The following RIC8B variants were observed in gnomAD, a reference collection of about 807,000 sequenced individuals.
RIC8B encodes RIC8 guanine nucleotide exchange factor B.
Under a neutral mutation model 57.5 loss-of-function variants are expected in RIC8B, and 16 were observed. That is an observed-to-expected ratio of 0.28 (90% CI 0.19 to 0.42). The LOEUF is 0.42. Among genes scored for constraint, RIC8B ranks in the 10% least tolerant of loss-of-function variants. The pLI, the probability that RIC8B is intolerant of heterozygous loss-of-function variation, is 1.00. For missense variants in RIC8B, 481 were observed against 677.0 expected, an observed-to-expected ratio of 0.71 and a Z score of 3.21; for synonymous variants, 216 against 250.8, an observed-to-expected ratio of 0.86 and a Z score of 1.31.
chr12:106,786,784 TGAG>T (rs2044049374), intron 2 of RIC8B, among the ~76,000 whole-genome samples: 1 of 151,748 alleles, frequency 6.6e-6, no homozygotes, highest in Non-Finnish European at 1.5e-5. Context: ...TATGTGCTAA[TGAG>T]AGAGTGAAAA....
chr12:106,878,696 G>C (rs777048959), intron 9 of RIC8B, among the ~76,000 whole-genome samples: 1 of 151,902 alleles, frequency 6.6e-6, no homozygotes, highest in Non-Finnish European at 1.5e-5. Context: ...ATCCTGTCTT[G>C]GGTTTTGTTA....
At chr12:106,847,359 C>G (rs553262433) in intron 6 of RIC8B, among the ~76,000 whole-genome samples, 3 of 152,060 alleles carry the variant, frequency 2.0e-5, no homozygotes, top group Non-Finnish European at 4.4e-5. Context: ...ACATGATAAC[C>G]TTTGTTCATA....
At chr12:106,877,889 C>T (rs1466108359) in intron 9 of RIC8B, among the ~76,000 whole-genome samples, 3 of 152,080 alleles carry the variant, frequency 2.0e-5, no homozygotes, top group Non-Finnish European at 4.4e-5. Flanking sequence ...ATTCTTCTTC[C>T]AGTGTGGCCC....
chr12:106,816,108 C>G (rs1462350398), intron 3 of RIC8B, among the ~76,000 whole-genome samples: 2 of 152,124 alleles, frequency 1.3e-5, no homozygotes, highest in Non-Finnish European at 2.9e-5. Flanking sequence ...AGAAGCATAA[C>G]ATGTCACATT....
chr12:106,831,279 CAAAAA>C (rs1174818980), intron 4 of RIC8B, among the ~76,000 whole-genome samples: 2 of 152,100 alleles, frequency 1.3e-5, no homozygotes, highest in Non-Finnish European at 2.9e-5. Context: ...AGGTGTTTTT[CAAAAA>C]GCGGATTTCT....
chr12:106,810,390 G>A (rs1304625538), intron 2 of RIC8B, among the ~76,000 whole-genome samples: 1 of 151,932 alleles, frequency 6.6e-6, no homozygotes, highest in Non-Finnish European at 1.5e-5. Context: ...CGTTTTCTTC[G>A]TAAAAAAGAT....
intron 2 of RIC8B, among the ~76,000 whole-genome samples, chr12:106,795,269 G>A (rs575876573): frequency 1.3e-5 from 2 of 152,282 alleles, no homozygotes; most frequent in East Asian, 3.9e-4. Context: ...TAGTGAAGTA[G>A]CTACGTTGTC....
chr12:106,780,045 T>C (rs934010235), intron 1 of RIC8B, among the ~76,000 whole-genome samples: 4 of 152,028 alleles, frequency 2.6e-5, no homozygotes, highest in African/African-American at 9.7e-5. Flanking sequence ...AGTAGAGAGA[T>C]TAGTTGCCAT....
At chr12:106,812,981 A>G (rs1385788949) in intron 2 of RIC8B, among the ~76,000 whole-genome samples, 1 of 152,146 alleles carries the variant, frequency 6.6e-6, no homozygotes, top group Admixed American at 6.5e-5. Context: ...TGCAGTCTGC[A>G]TCTATGAATT....
At chr12:106,809,177 G>A (rs1222374003) in intron 2 of RIC8B, among the ~76,000 whole-genome samples, 1 of 152,188 alleles carries the variant, frequency 6.6e-6, no homozygotes, top group Non-Finnish European at 1.5e-5. Flanking sequence ...ATTGAGTCCT[G>A]ATCTTTTATT....
At chr12:106,884,398 G>A (rs1951086191) in intron 9 of RIC8B, among the ~76,000 whole-genome samples, 1 of 152,152 alleles carries the variant, frequency 6.6e-6, no homozygotes, top group Admixed American at 6.5e-5. Context: ...TAATCCAGAT[G>A]TGGTGGGCTG....
chr12:106,824,792 ATCT>A (rs2046019238), intron 3 of RIC8B, among the ~76,000 whole-genome samples: 1 of 152,038 alleles, frequency 6.6e-6, no homozygotes, highest in South Asian at 2.1e-4. Context: ...CTGTAATCCC[ATCT>A]ACTCGGGAGG....
At chr12:106,856,601 C>T (rs1323574672) in intron 7 of RIC8B, among the ~76,000 whole-genome samples, 1 of 152,098 alleles carries the variant, frequency 6.6e-6, no homozygotes, top group Non-Finnish European at 1.5e-5. Flanking sequence ...AGGCAGAGTT[C>T]GTCATTTTCT....
chr12:106,846,814 A>G (rs1949212927), intron 6 of RIC8B, among the ~76,000 whole-genome samples: 1 of 152,040 alleles, frequency 6.6e-6, no homozygotes, highest in Non-Finnish European at 1.5e-5. Context: ...TATGTGACCC[A>G]CTGTCTGTCT....
Position 106,851,587 on chromosome 12 carries a change from A to G in RIC8B, c.1299A>G (p.Lys433=). The change falls in exon 7 of 10, where the codon AAA becomes AAG. Residue 433 remains lysine, a synonymous_variant. Coordinates refer to ENST00000392837, the MANE Select transcript of RIC8B (RefSeq NM_001330145.2). ...CTGAATTCCTTTTTGTCCTTTGCAAAGAGAGAGGTAGGTTAAACTCTCTTT... is the reference window on the plus strand; with the variant it reads ...CTGAATTCCTTTTTGTCCTTTGCAAGGAGAGAGGTAGGTTAAACTCTCTTT... ...IAAEFLFVLC[K]ERVDSLLKYT... is the part of the protein sequence containing the mutation. 1 of 1,612,144 alleles carries G rather than the reference A, an allele frequency of 6.2e-7. No homozygotes were observed.
chr12:106,843,949 T>C lies in RIC8B; in HGVS notation c.1161+2T>C. On this transcript the variant is annotated splice_donor_variant, in intron 6 of 9. Transcript: ENST00000392837. LOFTEE classifies it high-confidence loss of function. ...ATCCGAAAATTTCTCAAAGATCAGGTAACTGCTTAATGCATATTACATTGC... is the reference window on the plus strand; with the variant it reads ...ATCCGAAAATTTCTCAAAGATCAGGCAACTGCTTAATGCATATTACATTGC... 6.2e-7 allele frequency: 1 copy of C among 1,602,010 alleles called. No homozygotes were observed. The highest frequency in any genetic ancestry group is 8.6e-7 in the Non-Finnish European group (1 of 1,169,094).
intron 6 of RIC8B, among the ~76,000 whole-genome samples, chr12:106,848,139 T>C (rs1369955145): frequency 1.3e-5 from 2 of 152,072 alleles, no homozygotes; most frequent in African/African-American, 4.8e-5. Context: ...TTGGCAAACA[T>C]CTGAAGAAAG....
intron 1 of RIC8B, among the ~76,000 whole-genome samples, chr12:106,782,590 C>G (rs1325173966): frequency 6.6e-6 from 1 of 152,196 alleles, no homozygotes; most frequent in African/African-American, 2.4e-5. Flanking sequence ...ATTTTAAAAT[C>G]CATGCCCTTA....
At chr12:106,797,597 A>C (rs1218435336) in intron 2 of RIC8B, among the ~76,000 whole-genome samples, 1 of 152,224 alleles carries the variant, frequency 6.6e-6, no homozygotes, top group Non-Finnish European at 1.5e-5. Flanking sequence ...ACAAGTGTGA[A>C]TATAGTAAAA....
Sources: gnomAD v4.1 joint callset for allele counts (sites outside exome capture counted in the v4.1 genomes callset) on GRCh38, gnomAD v4.1.1 for gene constraint, MANE v1.5 for transcripts, NCBI Gene and HGNC (gene_info 2026-07-23, HGNC 2026-07-21) for gene names.